DESI1: variants seen among roughly 807,000 people sequenced by gnomAD.
The protein encoded by DESI1 is desumoylating isopeptidase 1.
A neutral mutation model predicts 22.4 loss-of-function variants in DESI1; 17 were observed. The observed-to-expected ratio is 0.76, with a 90% CI of 0.52 to 1.14. The LOEUF is 1.14. DESI1 is among the 50% of genes most tolerant of loss of function. DESI1 has a pLI of 0.00. For missense variants in DESI1, 177 were observed against 208.9 expected (o/e 0.85, Z 0.94); for synonymous variants, 92 against 84.2 (o/e 1.09, Z -0.51).
chr22:41,618,484 TTAGA>T (rs1251980123), intron 1 of DESI1, among the ~76,000 whole-genome samples: 1 of 152,194 alleles, frequency 6.6e-6, no homozygotes, highest in African/African-American at 2.4e-5. Flanking sequence ...GTCTCCCCCA[TTAGA>T]TAGCTCCATG....
intron 1 of DESI1, among the ~76,000 whole-genome samples, chr22:41,608,340 C>G (rs1193496834): frequency 1.3e-5 from 2 of 152,170 alleles, no homozygotes; most frequent in African/African-American, 4.8e-5. Flanking sequence ...TGTGGAAATG[C>G]AAACAGGAAC....
chr22:41,603,439 A>G (rs2067460913), intron 4 of DESI1, 58 bp from the exon 5 acceptor site: 1 of 1,611,076 alleles, frequency 6.2e-7, no homozygotes, highest in South Asian at 1.1e-5. Context: ...TCTATGTGGA[A>G]TAACTCAAGC....
At chr22:41,611,543 G>A (rs536703455) in intron 1 of DESI1, among the ~76,000 whole-genome samples, 222 of 150,470 alleles carry the variant, frequency 1.5e-3, no homozygotes, top group Non-Finnish European at 2.3e-3. Context: ...TAATAGTTCA[G>A]TGAAACTGGA....
In DESI1 at chr22:41,618,371, A is replaced by AG. The variant is rs540280352; in HGVS notation, c.88+2380_88+2381insC. Among the ~76,000 whole-genome samples the AG allele has an allele frequency of 2.8e-3, 425 of 151,718 alleles. 1 individual carries two copies. The highest frequency in any genetic ancestry group is 5.2e-3 in the Non-Finnish European group (354 of 67,874). ...GAGCAAGACTCGTCTAAAAAAAAAA[A>AG]AAAGGTCTCTCTTGTTATTTTCTAT... On this transcript the variant is annotated intron_variant, in intron 1 of 5. Coordinates refer to ENST00000263256, the MANE Select transcript of DESI1 (RefSeq NM_015704.3).
At chr22:41,605,409 CAGG>C (rs781333825) in intron 3 of DESI1, among the ~76,000 whole-genome samples, 1 of 152,240 alleles carries the variant, frequency 6.6e-6, no homozygotes. Flanking sequence ...ACGGGATCAG[CAGG>C]AGAACAAATC....
chr22:41,615,010 C>T (rs551494065), intron 1 of DESI1, among the ~76,000 whole-genome samples: 6 of 151,476 alleles, frequency 4.0e-5, no homozygotes, highest in Admixed American at 3.3e-4. Flanking sequence ...TTGAAAACCA[C>T]TGGTCAGGCC....
intron 3 of DESI1, 97 bp from the exon 4 acceptor site, chr22:41,604,250 CTTTTTTT>C (rs1264626626): frequency 2.6e-4 from 74 of 283,838 alleles, no homozygotes; most frequent in Middle Eastern, 1.0e-3. Context: ...TCTGTTCTGA[CTTTTTTT>C]TTTTTTTTTT....
At chr22:41,607,196 C>T (rs939202028) in intron 3 of DESI1, 66 bp downstream of exon 3, 15 of 1,436,898 alleles carry the variant, frequency 1.0e-5, no homozygotes, top group Admixed American at 7.2e-5. Context: ...AGAAGCAAAG[C>T]TCCTGGTCTA....
Position 41,620,985 on chromosome 22 carries a change from T to C in DESI1, c.-146A>G. 1 of 826,676 alleles carries C rather than the reference T, an allele frequency of 1.2e-6. No individual in the cohort carries two copies. Among genetic ancestry groups the C allele is most frequent in the Non-Finnish European group, 1.9e-6 (1 of 537,112 alleles). 51.2% of individuals were successfully genotyped at this position (826,676 alleles called of 1,614,324 possible). On this transcript the variant is annotated 5_prime_UTR_variant, in exon 1 of 6. Transcript: ENST00000263256. Reference sequence around the variant, plus strand: ...CTGAGGGGTGGGGGAGAGGCCGCCCTGCGCTGCTCGCGCCCCCACACCCGC... The same window carrying C: ...CTGAGGGGTGGGGGAGAGGCCGCCCCGCGCTGCTCGCGCCCCCACACCCGC...
chr22:41,603,018 G>A, intron 5 of DESI1: 1 of 639,528 alleles, frequency 1.6e-6, no homozygotes, highest in South Asian at 2.1e-5. Flanking sequence ...AGTGTCAAGT[G>A]GGTGTCTAAG....
At chr22:41,603,054 C>T (rs2067458355) in intron 5 of DESI1, 3 of 784,032 alleles carry the variant, frequency 3.8e-6, no homozygotes, top group African/African-American at 3.5e-5. Context: ...TAGGCCAGGG[C>T]AGAGCTGGTC....
Position 41,603,263 on chromosome 22 carries a change from A to G in DESI1, c.409T>C (p.Ser137Pro). 1 of 1,614,202 alleles carries G rather than the reference A, an allele frequency of 6.2e-7. No individual in the cohort carries two copies. Among genetic ancestry groups the G allele is most frequent in the South Asian group, 1.1e-5 (1 of 91,090 alleles). Reference sequence around the variant, plus strand: ...AGGGACAGAGGCCACACTTACGTGGAGAGAACTTCAGAGGGCAGGTCTGTG... The same window carrying G: ...AGGGACAGAGGCCACACTTACGTGGGGAGAACTTCAGAGGGCAGGTCTGTG... ...YITDLPSEVL[S>P]TPFGQALRPL... Residue 137 changes from serine to proline, a missense_variant, in exon 5 of 6, where the codon TCC becomes CCC. Physicochemically the swap from Ser to Pro is moderately conservative, Grantham distance 74. Coordinates refer to ENST00000263256, the MANE Select transcript of DESI1 (RefSeq NM_015704.3).
chr22:41,604,216 C>A, intron 3 of DESI1, 63 bp from the exon 4 acceptor site: 1 of 1,234,316 alleles, frequency 8.1e-7, no homozygotes, highest in Non-Finnish European at 1.2e-6. Flanking sequence ...TTTAATGTGG[C>A]TTCCCACAGT....
rs770522793 is a variant in DESI1 at position 41,620,772 on chromosome 22, C to A, written c.68G>T (p.Arg23Leu). Reference protein sequence around the residue: ...VYDLSKGLARRLSPIMLGKQL... With the variant: ...VYDLSKGLARLLSPIMLGKQL... Reference sequence around the variant, plus strand: ...CTCACCCAGCATGATGGGGCTGAGCCGCCGGGCCAGGCCTTTGGACAGGTC... The same window carrying A: ...CTCACCCAGCATGATGGGGCTGAGCAGCCGGGCCAGGCCTTTGGACAGGTC... The change falls in exon 1 of 6, where the codon CGG (arginine) becomes CTG (leucine). Residue 23 changes from arginine (R) to leucine (L), a missense_variant. By Grantham distance (102) the Arg-to-Leu change is moderately radical (BLOSUM62 -2). Transcript: ENST00000263256. 1 of 1,611,838 alleles carries A rather than the reference C, an allele frequency of 6.2e-7. No homozygotes were observed. The highest frequency in any genetic ancestry group is 8.5e-7 in the Non-Finnish European group (1 of 1,179,086).
Position 41,620,961 on chromosome 22 carries a change from TGAG to T in DESI1, c.-125_-123del. 1 of 993,802 alleles carries T rather than the reference TGAG, an allele frequency of 1.0e-6. No individual in the cohort carries two copies. The highest frequency in any genetic ancestry group is 1.5e-6 in the Non-Finnish European group (1 of 681,530). 61.6% of individuals were successfully genotyped at this position (993,802 alleles called of 1,614,324 possible). On this transcript the variant is annotated 5_prime_UTR_variant, in exon 1 of 6. Transcript: ENST00000263256. ...GGGGGGACCGAGCCCGGGCCCGGGCTGAGGGGTGGGGGAGAGGCCGCCCTGCGC... is the reference window on the plus strand; with the variant it reads ...GGGGGGACCGAGCCCGGGCCCGGGCTGGGTGGGGGAGAGGCCGCCCTGCGC...
intron 5 of DESI1, chr22:41,602,449 C>T (rs529611264): frequency 4.3e-5 from 42 of 985,438 alleles, no homozygotes; most frequent in Non-Finnish European, 4.9e-5. Context: ...GTCTTGTTTC[C>T]TATGCAAGCT....
rs533611846 is a variant in DESI1, at chr22:41,599,312, T to G, written c.*1785A>C. On this transcript the variant is annotated 3_prime_UTR_variant, in exon 6 of 6. Transcript: ENST00000263256. ...CTTCTTCATGCTCACTTTCCCAAAATCTAACTAATGGAGGTTCATGTGAAG... is the reference window on the plus strand; with the variant it reads ...CTTCTTCATGCTCACTTTCCCAAAAGCTAACTAATGGAGGTTCATGTGAAG... 6.6e-6 allele frequency: 1 copy of G among 152,280 alleles called. No individual in the cohort carries two copies. The highest frequency in any genetic ancestry group is 6.5e-5 in the Admixed American group (1 of 15,294). The allele number at this position is 152,280 out of a possible 1,614,324, so 9.4% of individuals were successfully genotyped here.
intron 1 of DESI1, among the ~76,000 whole-genome samples, chr22:41,610,312 G>T (rs567072735): frequency 5.5e-4 from 84 of 151,558 alleles, no homozygotes; most frequent in South Asian, 2.9e-3. Flanking sequence ...CTGGGAGGTG[G>T]AGGTTGCAGT....
chr22:41,610,058 C>A (rs2067507475), intron 1 of DESI1, among the ~76,000 whole-genome samples: 1 of 121,460 alleles, frequency 8.2e-6, no homozygotes, highest in African/African-American at 3.2e-5. Flanking sequence ...CCAGCCTGGG[C>A]AACAAGAGCA....
Sources: allele counts gnomAD v4.1 joint callset (sites outside exome capture counted in the v4.1 genomes callset), GRCh38; gene constraint gnomAD v4.1.1; transcripts MANE v1.5; gene names NCBI Gene and HGNC (gene_info 2026-07-23, HGNC 2026-07-21).